Variants in CCDC171 observed in about 807,000 individuals in gnomAD.
The protein encoded by CCDC171 is coiled-coil domain-containing protein 171.
Under a neutral mutation model 168.2 loss-of-function variants are expected in CCDC171, and 177 were observed. The ratio of observed to expected loss-of-function variants is 1.05; its 90% confidence interval spans 0.93 to 1.19. The LOEUF (loss-of-function observed/expected upper bound fraction) is 1.19, where lower values mean the gene tolerates loss of function less well. Among genes scored for constraint, CCDC171 ranks in the 50% most tolerant of loss-of-function variants. The pLI, the probability that CCDC171 is intolerant of heterozygous loss-of-function variation, is 0.00. For synonymous variants in CCDC171, 687 were observed against 540.8 expected (o/e 1.27, Z -3.75); for missense variants, 1,991 against 1,539.0 (o/e 1.29, Z -4.91).
chr9:15,966,322 G>A (rs1279196198), intron 25 of CCDC171, among the ~76,000 whole-genome samples: 3 of 152,176 alleles, frequency 2.0e-5, no homozygotes, highest in Admixed American at 2.0e-4. Flanking sequence ...GGAGGGTGAT[G>A]TGAACTATGG....
chr9:15,641,313 A>G (rs1019531488), intron 7 of CCDC171, among the ~76,000 whole-genome samples: 19 of 152,170 alleles, frequency 1.2e-4, no homozygotes, highest in African/African-American at 3.6e-4. Context: ...CTTGATGTCT[A>G]TTTTGGTGGA....
the CCDC171 span, among the ~76,000 whole-genome samples, chr9:16,068,677 C>T: frequency 6.6e-6 from 1 of 152,138 alleles, no homozygotes; most frequent in Admixed American, 6.6e-5. Context: ...CTACGTAAAT[C>T]ACAGTGCCTG....
intron 16 of CCDC171, among the ~76,000 whole-genome samples, chr9:15,736,009 C>T (rs2054469928): frequency 6.6e-6 from 1 of 152,058 alleles, no homozygotes. Context: ...AGCCCTACCA[C>T]AGGCATATGA....
intron 21 of CCDC171, among the ~76,000 whole-genome samples, chr9:15,793,975 G>GT (rs1309701307): frequency 8.0e-5 from 12 of 150,570 alleles, no homozygotes; most frequent in East Asian, 3.9e-4. Flanking sequence ...ATTCCTTTAG[G>GT]TTTTTTTTTC....
intron 25 of CCDC171, among the ~76,000 whole-genome samples, chr9:15,943,184 A>G (rs535165897): frequency 6.6e-6 from 1 of 152,140 alleles, no homozygotes; most frequent in East Asian, 1.9e-4. Flanking sequence ...TCACTGATAT[A>G]TTTAATTCAG....
At position 15,681,304 on chromosome 9, in the gene CCDC171, C is replaced by T. The variant is rs137938022; in HGVS notation, c.1215+2408C>T. ...ATAGTTCCTTGCCGAATGGGATGTTCGAAAAACTTACTCAGGTTGCCAGAT... is the reference window on the plus strand; with the variant it reads ...ATAGTTCCTTGCCGAATGGGATGTTTGAAAAACTTACTCAGGTTGCCAGAT... On this transcript the variant is annotated intron_variant, in intron 10 of 25. Transcript: ENST00000380701. Among the ~76,000 whole-genome samples, 208 of 152,104 alleles carry T rather than the reference C, an allele frequency of 1.4e-3. 1 individual carries two copies. The highest frequency in any genetic ancestry group is 4.3e-3 in the African/African-American group (178 of 41,534).
intron 6 of CCDC171, among the ~76,000 whole-genome samples, chr9:15,617,901 G>C (rs925101144): frequency 6.6e-6 from 1 of 152,320 alleles, no homozygotes; most frequent in South Asian, 2.1e-4. Context: ...AGGGGCAGCA[G>C]CCTGATGCCA....
intron 6 of CCDC171, among the ~76,000 whole-genome samples, chr9:15,617,949 A>G (rs530767390): frequency 2.0e-5 from 3 of 152,230 alleles, no homozygotes; most frequent in Non-Finnish European, 2.9e-5. Flanking sequence ...GTCGATCCCT[A>G]TTGGGAGGTC....
rs755302229 is a variant in CCDC171 at position 15,721,749 on chromosome 9, C to T, written c.1319-20C>T. On this transcript the variant is annotated intron_variant, in intron 11 of 25. Transcript: ENST00000380701. ...CTTTGTGACTTTAAGGGTATATTTT[C>T]ATCCTATATTTTTCTCTAGGCATCC... The T allele has an allele frequency of 1.4e-6, 2 of 1,425,616 alleles. No individual in the cohort carries two copies. The highest frequency in any genetic ancestry group is 1.9e-6 in the Non-Finnish European group (2 of 1,052,190). The allele number at this position is 1,425,616 out of a possible 1,614,324, so 88.3% of individuals were successfully genotyped here.
intron 23 of CCDC171, among the ~76,000 whole-genome samples, chr9:15,870,763 A>G (rs910194625): frequency 4.7e-5 from 7 of 150,308 alleles, no homozygotes; most frequent in African/African-American, 1.7e-4. Flanking sequence ...GACTAATTTA[A>G]TTTCATAGTT....
chr9:16,014,369 C>T (rs1450510211), intron 3 of CCDC171, among the ~76,000 whole-genome samples: 1 of 152,202 alleles, frequency 6.6e-6, no homozygotes, highest in African/African-American at 2.4e-5. Context: ...TTGGCAGTGA[C>T]TTCCTCAGTT....
chr9:15,841,890 A>T (rs2060696224), intron 21 of CCDC171, among the ~76,000 whole-genome samples: 1 of 151,930 alleles, frequency 6.6e-6, no homozygotes, highest in Non-Finnish European at 1.5e-5. Flanking sequence ...CCACCTAGCA[A>T]GTATTTAATT....
At chr9:15,971,425 G>T (rs1831343531) in intron 25 of CCDC171, among the ~76,000 whole-genome samples, 184 bp from the exon 26 acceptor site, 2 of 152,004 alleles carry the variant, frequency 1.3e-5, no homozygotes, top group Admixed American at 1.3e-4. Context: ...GTAAATAAGG[G>T]ATTCAGTCAC....
At position 15,958,114 on chromosome 9, in the gene CCDC171, C is replaced by CCATCCATT. The variant is rs546268419; in HGVS notation, c.3754-13492_3754-13491insCCATTCAT. ...AGAATAAGTCCATTAACTCACTCAT[C>CCATCCATT]CATTCATTCATTCATTCATTCATTC... is the stretch of plus-strand genomic sequence containing the variant. On this transcript the variant is annotated intron_variant, in intron 25 of 25. Coordinates refer to ENST00000380701, the MANE Select transcript of CCDC171 (RefSeq NM_173550.4). 5.2e-3 allele frequency among the ~76,000 whole-genome samples: 777 copies of CCATCCATT among 150,772 alleles called. 5 individuals carry two copies. Among genetic ancestry groups the CCATCCATT allele is most frequent in the African/African-American group, 0.018 (735 of 40,858 alleles).
intron 14 of CCDC171, among the ~76,000 whole-genome samples, chr9:15,726,634 A>G (rs1588157097): frequency 6.6e-6 from 1 of 152,130 alleles, no homozygotes; most frequent in Admixed American, 6.5e-5. Flanking sequence ...TTACATTTGG[A>G]AAAAAGGTGG....
chr9:16,033,845 C>G (rs1833412098), intron 6 of CCDC171, among the ~76,000 whole-genome samples: 1 of 152,234 alleles, frequency 6.6e-6, no homozygotes, highest in South Asian at 2.1e-4. Flanking sequence ...TAGGTTCTCC[C>G]AACATCCTAT....
chr9:15,709,945 A>G (rs1422835582), intron 11 of CCDC171, among the ~76,000 whole-genome samples: 2 of 152,006 alleles, frequency 1.3e-5, no homozygotes, highest in Admixed American at 6.5e-5. Context: ...TTAAGAACCA[A>G]TTTTGTTTCA....
At chr9:15,819,215 A>G (rs2059672804) in intron 21 of CCDC171, among the ~76,000 whole-genome samples, 1 of 118,118 alleles carries the variant, frequency 8.5e-6, no homozygotes, top group Non-Finnish European at 1.9e-5. Flanking sequence ...GAAAGGAACA[A>G]CTGGTACTAG....
At chr9:15,828,011 G>A (rs2060085016) in intron 21 of CCDC171, among the ~76,000 whole-genome samples, 1 of 152,136 alleles carries the variant, frequency 6.6e-6, no homozygotes, top group Admixed American at 6.5e-5. Context: ...TTTCATGACA[G>A]AGTAAATGTA....
Sources: allele counts gnomAD v4.1 joint callset (sites outside exome capture counted in the v4.1 genomes callset), GRCh38; gene constraint gnomAD v4.1.1; transcripts MANE v1.5; gene names NCBI Gene and HGNC (gene_info 2026-07-23, HGNC 2026-07-21).